ZFHX3: variants seen among roughly 807,000 people sequenced by gnomAD.
ZFHX3 encodes the protein zinc finger homeobox 3, also known as zinc finger homeobox protein 3.
A neutral mutation model predicts 279.1 loss-of-function variants in ZFHX3; 42 were observed. The observed-to-expected ratio is 0.15, with a 90% CI of 0.12 to 0.19. The LOEUF is 0.19. Ranked by LOEUF, ZFHX3 falls within the 10% of genes least tolerant of loss-of-function variation. The probability of loss-of-function intolerance (pLI) is 1.00; values close to 1 mark genes in which losing one functional copy is unlikely to be tolerated. For synonymous variants in ZFHX3, 2,293 were observed against 1,957.8 expected (o/e 1.17, Z -4.52); for missense variants, 4,981 against 4,754.0 (o/e 1.05, Z -1.40).
Position 73,013,478 on chromosome 16 carries a change from G to A in ZFHX3, c.-50+34274C>T, listed in dbSNP as rs924769903. Reference sequence around the variant, plus strand: ...AATTTTTCTATTTTTTGTGGAGACAGGGTTTTGCCATGTTGCCCAGGCTGG... The same window carrying A: ...AATTTTTCTATTTTTTGTGGAGACAAGGTTTTGCCATGTTGCCCAGGCTGG... On this transcript the variant is annotated intron_variant, in intron 1 of 9. Transcript: ENST00000268489. Among the ~76,000 whole-genome samples, 15 of 152,170 alleles carry A rather than the reference G, an allele frequency of 9.9e-5. No homozygotes were observed. In the South Asian group the frequency reaches 2.9e-3, roughly 29 times the overall value.
At chr16:72,865,634 T>G (rs566019606) in intron 4 of ZFHX3, among the ~76,000 whole-genome samples, 2 of 3,924 alleles carry the variant, frequency 5.1e-4, no homozygotes, top group African/African-American at 2.5e-3. Flanking sequence ...GCTACTGAGA[T>G]GGAGGGTACC....
intron 1 of ZFHX3, among the ~76,000 whole-genome samples, chr16:73,880,610 T>G (rs2030114723): frequency 6.6e-6 from 1 of 152,162 alleles, no homozygotes; most frequent in Non-Finnish European, 1.5e-5. Context: ...CTTAGAGCAG[T>G]GTAGCTCTGT....
At chr16:72,937,152 C>T (rs148586846) in intron 3 of ZFHX3, among the ~76,000 whole-genome samples, 23 of 152,180 alleles carry the variant, frequency 1.5e-4, no homozygotes, top group Admixed American at 2.6e-4. Context: ...CTCAGACATT[C>T]GAATGCAAAT....
At chr16:73,118,335 A>G (rs1328889711) in intron 7 of ZFHX3, among the ~76,000 whole-genome samples, 1 of 152,120 alleles carries the variant, frequency 6.6e-6, no homozygotes, top group African/African-American at 2.4e-5. Flanking sequence ...CAGCCTCCTG[A>G]ATAGCTGGGA....
At chr16:73,006,461 G>GA (rs994064863) in intron 1 of ZFHX3, among the ~76,000 whole-genome samples, 16 of 149,562 alleles carry the variant, frequency 1.1e-4, no homozygotes, top group African/African-American at 1.7e-4. Context: ...CAATCTCTAT[G>GA]AAAAAAAAAA....
intron 4 of ZFHX3, among the ~76,000 whole-genome samples, chr16:73,300,313 A>G (rs1318595411): frequency 6.6e-6 from 1 of 151,930 alleles, no homozygotes; most frequent in Non-Finnish European, 1.5e-5. Flanking sequence ...CATTATAGAA[A>G]ATAAAGATTC....
intron 3 of ZFHX3, among the ~76,000 whole-genome samples, chr16:73,374,905 G>T (rs1286488908): frequency 2.6e-5 from 4 of 152,196 alleles, no homozygotes; most frequent in African/African-American, 7.2e-5. Flanking sequence ...TCTTTGGCAA[G>T]ACTGTGTCAT....
At chr16:73,142,957 G>A (rs1966851392) in intron 6 of ZFHX3, among the ~76,000 whole-genome samples, 1 of 152,206 alleles carries the variant, frequency 6.6e-6, no homozygotes, top group South Asian at 2.1e-4. Context: ...AGGCTTCCAT[G>A]ATTCTGCCAG....
intron 4 of ZFHX3, among the ~76,000 whole-genome samples, chr16:73,277,122 T>C (rs2014321297): frequency 6.6e-6 from 1 of 152,210 alleles, no homozygotes; most frequent in Non-Finnish European, 1.5e-5. Context: ...CTTTAAAAAA[T>C]GTTCTCCAAA....
chr16:73,390,044 A>G (rs1428631535), intron 3 of ZFHX3, among the ~76,000 whole-genome samples: 1 of 152,202 alleles, frequency 6.6e-6, no homozygotes, highest in Non-Finnish European at 1.5e-5. Context: ...TGGGTGACAG[A>G]GCGAGACTCT....
At chr16:73,440,205 C>T (rs1254717847) in intron 3 of ZFHX3, among the ~76,000 whole-genome samples, 1 of 152,198 alleles carries the variant, frequency 6.6e-6, no homozygotes, top group African/African-American at 2.4e-5. Context: ...AATAAGACAC[C>T]TCCAGTTTCC....
rs769738629 is a variant in ZFHX3 at position 72,959,402 on chromosome 16, G to A, written c.744C>T (p.Asp248=). The A allele has an allele frequency of 1.1e-5, 18 of 1,614,198 alleles. No individual in the cohort carries two copies. Among genetic ancestry groups the A allele is most frequent in the South Asian group, 6.6e-5 (6 of 91,086 alleles). ...ATACGCAGGAGCTTTTGGCAGAACC[G>A]TCGCTGTTCAGGTAATCCTTGTTGC... The part of the protein sequence containing the change: ...HKSNKDYLNS[D]GSAKSSCVSK... Residue 248 remains aspartate (D), a synonymous_variant, in exon 2 of 10, where the codon GAC becomes GAT. Transcript: ENST00000268489.
intron 2 of ZFHX3, among the ~76,000 whole-genome samples, chr16:73,625,211 G>T (rs562553733): frequency 2.0e-5 from 3 of 152,134 alleles, no homozygotes; most frequent in East Asian, 3.9e-4. Flanking sequence ...TGTAAATTAC[G>T]CATGCAAAGT....
At chr16:73,214,427 T>C (rs2144913232) in intron 5 of ZFHX3, among the ~76,000 whole-genome samples, 2 of 151,874 alleles carry the variant, frequency 1.3e-5, no homozygotes, top group Non-Finnish European at 2.9e-5. Flanking sequence ...ATACAATTCA[T>C]TGCAAAAAAA....
rs1245341979 is a variant in ZFHX3 at position 73,224,795 on chromosome 16, CA to C, written c.-1104+32251del. ...GGTGTAACAGTAACTGGCACAAGGTCAAAAAGGAAAGTTGCTTGACGTGAAC... is the reference window on the plus strand; with the variant it reads ...GGTGTAACAGTAACTGGCACAAGGTCAAAAGGAAAGTTGCTTGACGTGAAC... On this transcript the variant is annotated intron_variant, in intron 5 of 17. Transcript: ENST00000641206. Among the ~76,000 whole-genome samples the C allele has an allele frequency of 5.3e-5, 8 of 152,234 alleles. No homozygotes were observed. The East Asian group carries it at 1.5e-3, about 29-fold the overall frequency.
intron 5 of ZFHX3, among the ~76,000 whole-genome samples, chr16:73,151,525 G>A (rs1966941403): frequency 6.6e-6 from 1 of 151,982 alleles, no homozygotes; most frequent in African/African-American, 2.4e-5. Flanking sequence ...GCTGCCTCCT[G>A]CTCGGTGGGA....
intron 1 of ZFHX3, among the ~76,000 whole-genome samples, chr16:73,819,534 C>A (rs1370329936): frequency 5.9e-5 from 9 of 152,012 alleles, no homozygotes; most frequent in African/African-American, 2.2e-4. Flanking sequence ...TCTAAATGTA[C>A]AACTTTGGGC....
At chr16:72,928,636 T>C (rs528325591) in intron 3 of ZFHX3, among the ~76,000 whole-genome samples, 1 of 152,290 alleles carries the variant, frequency 6.6e-6, no homozygotes, top group African/African-American at 2.4e-5. Context: ...CTTTGATCTC[T>C]TTTACCTCCC....
chr16:73,493,749 T>C (rs1204577635), intron 2 of ZFHX3, among the ~76,000 whole-genome samples: 5 of 151,978 alleles, frequency 3.3e-5, no homozygotes, highest in Admixed American at 2.6e-4. Context: ...AAAAAAACCA[T>C]TGTTCCTGGG....
Sources: gnomAD v4.1 joint callset for allele counts (sites outside exome capture counted in the v4.1 genomes callset) on GRCh38, gnomAD v4.1.1 for gene constraint, MANE v1.5 for transcripts, NCBI Gene and HGNC (gene_info 2026-07-23, HGNC 2026-07-21) for gene names.